OLFM3: variants seen among roughly 807,000 people sequenced by gnomAD.
OLFM3 encodes noelin-3.
Under a neutral mutation model 48.6 loss-of-function variants are expected in OLFM3, and 20 were observed. The observed-to-expected ratio is 0.41, with a 90% CI of 0.29 to 0.60. The LOEUF is 0.60. OLFM3 is among the 20% of genes least tolerant of loss of function. The pLI, the probability that OLFM3 is intolerant of heterozygous loss-of-function variation, is 0.28. For missense variants in OLFM3, 437 were observed against 544.3 expected (o/e 0.80, Z 1.96); for synonymous variants, 222 against 198.1 (o/e 1.12, Z -1.01).
At chr1:101,969,353 G>A (rs1003446875) in intron 1 of OLFM3, among the ~76,000 whole-genome samples, 5 of 150,372 alleles carry the variant, frequency 3.3e-5, no homozygotes, top group Non-Finnish European at 7.4e-5. Context: ...TTTTAGTAGA[G>A]GCAAGGTTTT....
chr1:101,986,206 C>T (rs1325387561), intron 1 of OLFM3, among the ~76,000 whole-genome samples: 6 of 152,022 alleles, frequency 3.9e-5, no homozygotes, highest in African/African-American at 1.2e-4. Context: ...CCTCGTGATC[C>T]GCCCGCCTCG....
chr1:101,850,926 G>GAAA (rs551145305), intron 1 of OLFM3, among the ~76,000 whole-genome samples: 1 of 140,026 alleles, frequency 7.1e-6, no homozygotes. Context: ...AGGAGGAGAA[G>GAAA]AAAAAAAGAG....
intron 1 of OLFM3, among the ~76,000 whole-genome samples, chr1:101,981,306 T>C (rs1462630951): frequency 1.3e-5 from 2 of 152,278 alleles, no homozygotes; most frequent in Middle Eastern, 3.4e-3. Flanking sequence ...AGCATTTGTA[T>C]CATATACTTT....
intron 1 of OLFM3, among the ~76,000 whole-genome samples, chr1:101,956,677 A>G (rs559708947): frequency 5.3e-5 from 8 of 151,994 alleles, no homozygotes; most frequent in African/African-American, 1.7e-4. Flanking sequence ...TAGACTTACT[A>G]TAATGTCAAT....
chr1:101,915,017 G>A (rs1317244713), intron 1 of OLFM3, among the ~76,000 whole-genome samples: 1 of 152,048 alleles, frequency 6.6e-6, no homozygotes. Context: ...TATATTTCAA[G>A]TAAAGTCAGC....
intron 1 of OLFM3, among the ~76,000 whole-genome samples, chr1:101,855,619 T>C (rs1570566264): frequency 6.6e-6 from 1 of 152,214 alleles, no homozygotes; most frequent in South Asian, 2.1e-4. Flanking sequence ...TCTTCACTTA[T>C]TGAGTTTATC....
Position 101,857,781 on chromosome 1 carries a change from A to G in OLFM3, c.70-20756T>C, listed in dbSNP as rs556147779. The stretch of plus-strand genomic sequence containing the variant: ...GTGTTCTGCACTGAAGTAGGATTTA[A>G]GTATGGTTTCCAAGAATTCCCCAGG... On this transcript the variant is annotated intron_variant, in intron 1 of 5. Coordinates refer to ENST00000370103, the MANE Select transcript of OLFM3 (RefSeq NM_058170.4). 5.7e-4 allele frequency among the ~76,000 whole-genome samples: 87 copies of G among 152,078 alleles called. 2 individuals are homozygous for G. Among genetic ancestry groups the G allele is most frequent in the African/African-American group, 1.9e-3 (80 of 41,400 alleles).
At chr1:101,895,998 T>A (rs970638508) in intron 1 of OLFM3, among the ~76,000 whole-genome samples, 1 of 149,952 alleles carries the variant, frequency 6.7e-6, no homozygotes, top group Non-Finnish European at 1.5e-5. Context: ...ATAATAATAA[T>A]AATAATAAAA....
chr1:101,946,940 A>G (rs1232322849), intron 1 of OLFM3, among the ~76,000 whole-genome samples: 2 of 152,194 alleles, frequency 1.3e-5, no homozygotes, highest in Non-Finnish European at 2.9e-5. Flanking sequence ...TAGTGAAGTA[A>G]AAAACAAAAT....
chr1:101,849,466 T>G (rs550475985), intron 1 of OLFM3, among the ~76,000 whole-genome samples: 38 of 152,322 alleles, frequency 2.5e-4, no homozygotes, highest in Non-Finnish European at 4.6e-4. Flanking sequence ...GCTCAGGGCT[T>G]CAGGGTCACC....
intron 1 of OLFM3, among the ~76,000 whole-genome samples, chr1:101,840,403 T>C (rs955023917): frequency 2.6e-5 from 4 of 151,720 alleles, no homozygotes; most frequent in African/African-American, 9.7e-5. Flanking sequence ...AGCCAGTGAG[T>C]AGGGAGATTT....
intron 1 of OLFM3, among the ~76,000 whole-genome samples, chr1:101,904,491 T>C (rs1658491903): frequency 6.6e-6 from 1 of 151,968 alleles, no homozygotes; most frequent in African/African-American, 2.4e-5. Context: ...TGAGAATGAG[T>C]TTGTCAATAC....
At chr1:101,933,201 C>CAAAAAAA (rs761881274) in intron 1 of OLFM3, among the ~76,000 whole-genome samples, 81 of 40,132 alleles carry the variant, frequency 2.0e-3, no homozygotes, top group East Asian at 2.3e-3. Context: ...GACTCCATCT[C>CAAAAAAA]AAAAAAAAAA....
intron 1 of OLFM3, among the ~76,000 whole-genome samples, chr1:101,940,967 C>T (rs982525244): frequency 2.6e-5 from 4 of 152,064 alleles, no homozygotes; most frequent in African/African-American, 9.7e-5. Context: ...CTGGTGGATA[C>T]ATTTGTACCC....
intron 1 of OLFM3, among the ~76,000 whole-genome samples, chr1:101,853,044 T>G (rs1473614395): frequency 2.0e-5 from 3 of 152,106 alleles, no homozygotes; most frequent in African/African-American, 7.2e-5. Context: ...CAACATTATC[T>G]TCTTAAAATA....
chr1:101,948,736 T>C (rs1660032712), intron 1 of OLFM3, among the ~76,000 whole-genome samples: 1 of 151,846 alleles, frequency 6.6e-6, no homozygotes, highest in Non-Finnish European at 1.5e-5. Flanking sequence ...CAGGGTTTTC[T>C]CTTTTTATTC....
chr1:101,934,587 T>C (rs1290812655), intron 1 of OLFM3, among the ~76,000 whole-genome samples: 2 of 152,072 alleles, frequency 1.3e-5, no homozygotes, highest in Non-Finnish European at 2.9e-5. Context: ...AACAAAGATA[T>C]TCAGAACCTG....
At chr1:101,876,149 C>T (rs1330975172) in intron 1 of OLFM3, among the ~76,000 whole-genome samples, 2 of 151,868 alleles carry the variant, frequency 1.3e-5, no homozygotes, top group Non-Finnish European at 2.9e-5. Context: ...ATTTATTTTT[C>T]CCTTATACTT....
rs1656320268 is a variant in OLFM3 at position 101,853,944 on chromosome 1, C to T, written c.70-16919G>A. Among the ~76,000 whole-genome samples the T allele has an allele frequency of 2.0e-5, 3 of 152,048 alleles. No individual in the cohort carries two copies. The South Asian group carries it at 6.2e-4, about 31-fold the overall frequency. ...TTTGATTCTGTCTTCTATTGATAAG[C>T]TTCACGGGTCACTGGAACCCTACAT... On this transcript the variant is annotated intron_variant, in intron 1 of 5. Coordinates refer to ENST00000370103, the MANE Select transcript of OLFM3 (RefSeq NM_058170.4).
Sources: allele counts gnomAD v4.1 joint callset (sites outside exome capture counted in the v4.1 genomes callset), GRCh38; gene constraint gnomAD v4.1.1; transcripts MANE v1.5; gene names NCBI Gene and HGNC (gene_info 2026-07-23, HGNC 2026-07-21).